The following NDST4 variants were observed in gnomAD, a reference collection of about 807,000 sequenced individuals.
NDST4 encodes the protein N-heparan sulfate sulfotransferase 4.
In NDST4, 63 loss-of-function variants were observed where a neutral mutation model predicts 100.8. The ratio of observed to expected loss-of-function variants is 0.62; its 90% CI spans 0.51 to 0.77. NDST4 has a LOEUF of 0.77. Ranked by LOEUF, NDST4 falls within the 30% of genes least tolerant of loss-of-function variation. The pLI is 0.00. For missense variants in NDST4, 943 were observed against 1,018.4 expected (o/e 0.93, Z 1.01); for synonymous variants, 377 against 361.8 (o/e 1.04, Z -0.48).
intron 1 of NDST4, among the ~76,000 whole-genome samples, chr4:115,100,928 G>A (rs1440544147): frequency 6.6e-6 from 1 of 151,686 alleles, no homozygotes; most frequent in Non-Finnish European, 1.5e-5. Context: ...AAGCGTGGAT[G>A]GTTATGTTGT....
intron 2 of NDST4, among the ~76,000 whole-genome samples, chr4:115,064,451 T>C (rs1728889848): frequency 6.6e-6 from 1 of 152,054 alleles, no homozygotes; most frequent in African/African-American, 2.4e-5. Context: ...AGTTGGTACA[T>C]CTCACAGTGA....
At chr4:114,856,094 G>T (rs752681240) in intron 7 of NDST4, among the ~76,000 whole-genome samples, 8 of 149,722 alleles carry the variant, frequency 5.3e-5, no homozygotes, top group Middle Eastern at 3.2e-3. Context: ...ACACAGTCTC[G>T]CTCTGTCACC....
chr4:114,833,156 A>T (rs1046082583), intron 12 of NDST4, among the ~76,000 whole-genome samples: 1 of 152,218 alleles, frequency 6.6e-6, no homozygotes, highest in Non-Finnish European at 1.5e-5. Flanking sequence ...AGTATACATG[A>T]TTATATTTGG....
chr4:114,935,581 C>G (rs1316123230), intron 5 of NDST4, among the ~76,000 whole-genome samples: 2 of 151,918 alleles, frequency 1.3e-5, no homozygotes, highest in African/African-American at 2.4e-5. Flanking sequence ...TCTAACCCAC[C>G]ACCTGTGTTA....
chr4:115,098,482 A>G (rs1255607428), intron 1 of NDST4, among the ~76,000 whole-genome samples: 1 of 152,132 alleles, frequency 6.6e-6, no homozygotes, highest in East Asian at 1.9e-4. Flanking sequence ...TAAAAAGAAC[A>G]CGCAAAGTAT....
chr4:114,868,312 C>G (rs1724076341), intron 7 of NDST4, among the ~76,000 whole-genome samples: 1 of 151,992 alleles, frequency 6.6e-6, no homozygotes, highest in South Asian at 2.1e-4. Context: ...CCAAGTAACG[C>G]TGGTTTTTTA....
At chr4:114,935,111 A>G in intron 6 of NDST4, 95 bp downstream of exon 6, 2 of 1,015,576 alleles carry the variant, frequency 2.0e-6, no homozygotes, top group Non-Finnish European at 2.7e-6. Context: ...TGCTGTAAAT[A>G]AAGAAAATAA....
At chr4:114,899,830 T>A (rs1353060502) in intron 6 of NDST4, among the ~76,000 whole-genome samples, 1 of 152,184 alleles carries the variant, frequency 6.6e-6, no homozygotes, top group East Asian at 1.9e-4. Flanking sequence ...TTGGTACTAC[T>A]AGGAAAATGA....
At chr4:114,892,020 C>T (rs1724609649) in intron 6 of NDST4, among the ~76,000 whole-genome samples, 1 of 152,066 alleles carries the variant, frequency 6.6e-6, no homozygotes, top group African/African-American at 2.4e-5. Flanking sequence ...GCACCATACA[C>T]ACTGTTTTGG....
rs569147179 is a variant in NDST4, at chr4:114,849,557, C to A, written c.1817-1219G>T. Among the ~76,000 whole-genome samples, 13 of 152,282 alleles carry A rather than the reference C, an allele frequency of 8.5e-5. No homozygotes were observed. The East Asian group carries it at 2.5e-3, about 29-fold the overall frequency. ...TTGCCGCCCTTTTAGATCCTCCCAGCTTTACATGGCCACCAAGAGGTAATG... is the reference window on the plus strand; with the variant it reads ...TTGCCGCCCTTTTAGATCCTCCCAGATTTACATGGCCACCAAGAGGTAATG... On this transcript the variant is annotated intron_variant, in intron 8 of 13. Transcript: ENST00000264363.
At chr4:114,838,875 A>G (rs1201369063) in intron 11 of NDST4, among the ~76,000 whole-genome samples, 2 of 150,192 alleles carry the variant, frequency 1.3e-5, no homozygotes, top group Non-Finnish European at 3.0e-5. Flanking sequence ...TTATTTCTTG[A>G]TCTATCTCAT....
intron 2 of NDST4, among the ~76,000 whole-genome samples, chr4:115,042,131 A>T (rs916074767): frequency 6.6e-6 from 1 of 152,154 alleles, no homozygotes; most frequent in South Asian, 2.1e-4. Flanking sequence ...AAATTTCTGA[A>T]ATAAACAATT....
intron 6 of NDST4, among the ~76,000 whole-genome samples, chr4:114,891,053 A>C (rs1724584090): frequency 6.6e-6 from 1 of 152,014 alleles, no homozygotes; most frequent in South Asian, 2.1e-4. Flanking sequence ...ATGACTTCCT[A>C]GTTACTAAAT....
chr4:114,959,110 A>T (rs1030710658), intron 4 of NDST4, among the ~76,000 whole-genome samples: 2 of 152,146 alleles, frequency 1.3e-5, no homozygotes, highest in Non-Finnish European at 1.5e-5. Context: ...CCTCATTTCC[A>T]TCTGAGACCA....
intron 6 of NDST4, among the ~76,000 whole-genome samples, chr4:114,918,035 A>G (rs917536402): frequency 6.6e-6 from 1 of 152,162 alleles, no homozygotes; most frequent in Non-Finnish European, 1.5e-5. Flanking sequence ...AATTTTGCAG[A>G]TTTTGCTCTC....
At chr4:114,932,911 C>T (rs545950186) in intron 6 of NDST4, among the ~76,000 whole-genome samples, 5 of 151,960 alleles carry the variant, frequency 3.3e-5, no homozygotes, top group African/African-American at 9.7e-5. Context: ...AATGATCTAC[C>T]AATTCAATGA....
intron 6 of NDST4, among the ~76,000 whole-genome samples, chr4:114,924,797 T>C (rs1031773437): frequency 1.3e-5 from 2 of 151,390 alleles, no homozygotes; most frequent in Non-Finnish European, 2.9e-5. Context: ...GGCTACAGTT[T>C]ACATAATCTG....
At chr4:114,966,203 T>C (rs905149263) in intron 4 of NDST4, among the ~76,000 whole-genome samples, 1 of 151,904 alleles carries the variant, frequency 6.6e-6, no homozygotes, top group South Asian at 2.1e-4. Context: ...TCCACACACA[T>C]GTACACCCCC....
chr4:114,845,019 T>C (rs1372531860), intron 10 of NDST4, among the ~76,000 whole-genome samples: 2 of 151,678 alleles, frequency 1.3e-5, no homozygotes, highest in Non-Finnish European at 2.9e-5. Flanking sequence ...AACATCATAA[T>C]TGTTGTCAAG....
Sources: gnomAD v4.1 joint callset for allele counts (sites outside exome capture counted in the v4.1 genomes callset) on GRCh38, gnomAD v4.1.1 for gene constraint, MANE v1.5 for transcripts, NCBI Gene and HGNC (gene_info 2026-07-23, HGNC 2026-07-21) for gene names.